Variants in HERC4 observed in about 807,000 individuals in gnomAD.
HERC4 encodes probable E3 ubiquitin-protein ligase HERC4.
HERC4 carries 28 observed loss-of-function variants against 124.3 expected under a neutral mutation model. That is an observed-to-expected ratio of 0.23 (90% CI 0.17 to 0.31). The LOEUF is 0.31. Ranked by LOEUF, HERC4 falls within the 10% of genes least tolerant of loss-of-function variation. The probability of loss-of-function intolerance (pLI) is 1.00; values close to 1 mark genes in which losing one functional copy is unlikely to be tolerated. For missense variants in HERC4, 713 were observed against 1,229.3 expected (o/e 0.58, Z 6.28); for synonymous variants, 407 against 421.5 (o/e 0.97, Z 0.42).
At chr10:68,006,170 T>A (rs1024372034) in intron 9 of HERC4, among the ~76,000 whole-genome samples, 2 of 152,188 alleles carry the variant, frequency 1.3e-5, no homozygotes, top group Admixed American at 1.3e-4. Context: ...TTATCTTTGA[T>A]CCGTTTTAGT....
intron 19 of HERC4, among the ~76,000 whole-genome samples, chr10:67,949,713 G>C (rs1460896744): frequency 1.3e-5 from 2 of 152,104 alleles, no homozygotes; most frequent in Non-Finnish European, 2.9e-5. Flanking sequence ...AAACCACATG[G>C]TAATCTCTAC....
intron 9 of HERC4, among the ~76,000 whole-genome samples, chr10:67,997,838 C>A (rs2036980327): frequency 6.6e-6 from 1 of 152,082 alleles, no homozygotes; most frequent in South Asian, 2.1e-4. Flanking sequence ...CATAGTCGGC[C>A]CTCTGTATCC....
intron 15 of HERC4, among the ~76,000 whole-genome samples, chr10:67,974,079 C>T (rs1224081658): frequency 0.2 from 5,079 of 25,864 alleles, 257 homozygotes; most frequent in South Asian, 0.48. Flanking sequence ...ACTGTACACA[C>T]ACACACACAC....
Position 67,922,246 on chromosome 10 carries a change from A to G in HERC4, c.*685T>C, listed in dbSNP as rs546807482. ...ATATTAATAAGTTCTCTGATCGACA[A>G]TCCCCCATCTATCAGTGTGTCAGGA... On this transcript the variant is annotated 3_prime_UTR_variant, in exon 25 of 25. Transcript: ENST00000373700. 10 of 152,296 alleles carry G rather than the reference A, an allele frequency of 6.6e-5. No individual in the cohort carries two copies. The highest frequency in any genetic ancestry group is 5.2e-4 in the Admixed American group (8 of 15,302). 9.4% of individuals were successfully genotyped at this position (152,296 alleles called of 1,614,324 possible).
At chr10:67,983,786 C>CAAAAA (rs61012367) in intron 15 of HERC4, among the ~76,000 whole-genome samples, 1 of 100,156 alleles carries the variant, frequency 1.0e-5, no homozygotes, top group Non-Finnish European at 1.9e-5. Context: ...GACTCTGTCT[C>CAAAAA]AAAAAAAAAA....
At chr10:67,956,827 A>G in intron 17 of HERC4, 51 bp downstream of exon 17, 1 of 1,205,026 alleles carries the variant, frequency 8.3e-7, no homozygotes, top group South Asian at 1.4e-5. Flanking sequence ...TACTGTCCAG[A>G]AACATCAAAG....
At chr10:68,012,330 T>G (rs1300613235) in intron 9 of HERC4, among the ~76,000 whole-genome samples, 2 of 152,266 alleles carry the variant, frequency 1.3e-5, no homozygotes, top group African/African-American at 4.8e-5. Context: ...TCAGCCTGTC[T>G]GGGCTTTTGA....
intron 14 of HERC4, 72 bp downstream of exon 14, chr10:67,990,139 G>T: frequency 1.6e-6 from 2 of 1,290,004 alleles, no homozygotes; most frequent in Non-Finnish European, 2.1e-6. Context: ...AACTGCAAAT[G>T]GCAAAAGAAC....
intron 19 of HERC4, among the ~76,000 whole-genome samples, chr10:67,950,023 AAAAACAAAAAAC>A (rs941472168): frequency 1.0e-3 from 156 of 152,302 alleles, no homozygotes; most frequent in African/African-American, 3.4e-3. Context: ...CATCAATCAA[AAAAACAAAAAAC>A]AAAACAAAAA....
chr10:67,979,633 T>C (rs1324170071), intron 15 of HERC4, among the ~76,000 whole-genome samples: 1 of 152,096 alleles, frequency 6.6e-6, no homozygotes, highest in Non-Finnish European at 1.5e-5. Flanking sequence ...ATAAGACTCT[T>C]TGAAGACATT....
chr10:67,945,257 T>A (rs1046608706), intron 19 of HERC4, among the ~76,000 whole-genome samples: 8 of 152,164 alleles, frequency 5.3e-5, no homozygotes, highest in Non-Finnish European at 1.0e-4. Flanking sequence ...AGCAGTAGAC[T>A]TTTCAATGGA....
At chr10:68,030,937 G>A (rs1463483062) in intron 7 of HERC4, among the ~76,000 whole-genome samples, 1 of 152,110 alleles carries the variant, frequency 6.6e-6, no homozygotes, top group African/African-American at 2.4e-5. Context: ...GGTAGGTTTT[G>A]TACAGAAAAC....
intron 3 of HERC4, among the ~76,000 whole-genome samples, chr10:68,062,736 G>A (rs1312620159): frequency 1.3e-5 from 2 of 151,710 alleles, no homozygotes; most frequent in Non-Finnish European, 2.9e-5. Flanking sequence ...CTCCAGCCTG[G>A]GCAACAGAAT....
chr10:67,938,215 G>A (rs2132102482), intron 21 of HERC4, among the ~76,000 whole-genome samples: 1 of 151,748 alleles, frequency 6.6e-6, no homozygotes, highest in Non-Finnish European at 1.5e-5. Flanking sequence ...GGCTAACGCG[G>A]GCAGATCACG....
At chr10:68,048,707 T>C (rs1215885220) in intron 3 of HERC4, among the ~76,000 whole-genome samples, 1 of 152,190 alleles carries the variant, frequency 6.6e-6, no homozygotes, top group Non-Finnish European at 1.5e-5. Flanking sequence ...AAATGTGCCA[T>C]TGTGCTGCAG....
chr10:67,978,472 GTCTAAGGTTTT>G lies in HERC4; in HGVS notation c.1806+10180_1806+10190del, dbSNP rs898535098. Among the ~76,000 whole-genome samples, 126 of 152,332 alleles carry G rather than the reference GTCTAAGGTTTT, an allele frequency of 8.3e-4. 1 individual carries two copies. Among genetic ancestry groups the G allele is most frequent in the African/African-American group, 2.8e-3 (116 of 41,578 alleles). On this transcript the variant is annotated intron_variant, in intron 15 of 24. Transcript: ENST00000373700. ...CAGTACAACAGAACACCAGGTAGAC[GTCTAAGGTTTT>G]TCACTCTAGTCCCTGGCTCCCAGAC... is the stretch of plus-strand genomic sequence containing the variant.
intron 9 of HERC4, among the ~76,000 whole-genome samples, chr10:67,997,991 C>T (rs568662642): frequency 3.9e-5 from 6 of 152,054 alleles, no homozygotes; most frequent in Admixed American, 6.5e-5. Flanking sequence ...AACCGCCTCC[C>T]GGGTTCAAGC....
intron 22 of HERC4, among the ~76,000 whole-genome samples, chr10:67,935,252 T>C (rs1293745943): frequency 1.3e-5 from 2 of 151,864 alleles, no homozygotes; most frequent in African/African-American, 4.8e-5. Flanking sequence ...TTCAAGAGAC[T>C]CTTCTGCCTC....
Position 67,922,217 on chromosome 10 carries a change from C to T in HERC4, c.*714G>A, listed in dbSNP as rs2030283288. 6.6e-6 allele frequency: 1 copy of T among 152,098 alleles called. No individual in the cohort carries two copies. The highest frequency in any genetic ancestry group is 2.4e-5 in the African/African-American group (1 of 41,440). 9.4% of individuals were successfully genotyped at this position (152,098 alleles called of 1,614,324 possible). A position where few individuals can be genotyped will look rare whatever the true frequency, so the allele number is the denominator to read the frequency against. On this transcript the variant is annotated 3_prime_UTR_variant, in exon 25 of 25. Transcript: ENST00000373700. Reference sequence around the variant, plus strand: ...CTGTGGAGACAGAGTTCTTCCAGTACTAAATATTAATAAGTTCTCTGATCG... The same window carrying T: ...CTGTGGAGACAGAGTTCTTCCAGTATTAAATATTAATAAGTTCTCTGATCG...
Sources: allele counts gnomAD v4.1 joint callset (sites outside exome capture counted in the v4.1 genomes callset), GRCh38; gene constraint gnomAD v4.1.1; transcripts MANE v1.5; gene names NCBI Gene and HGNC (gene_info 2026-07-23, HGNC 2026-07-21).